Variants in ARHGEF10 observed in about 807,000 individuals in gnomAD.
ARHGEF10 encodes Rho guanine nucleotide exchange factor 10, also known as Rho guanine nucleotide exchange factor (GEF) 10.
A neutral mutation model predicts 147.4 loss-of-function variants in ARHGEF10; 140 were observed. The observed-to-expected ratio is 0.95, with a 90% confidence interval of 0.83 to 1.09. The LOEUF (loss-of-function observed/expected upper bound fraction) is 1.09. Among genes scored for constraint, ARHGEF10 ranks in the 50% least tolerant of loss-of-function variants. ARHGEF10 has a pLI of 0.00. For synonymous variants in ARHGEF10, 902 were observed against 695.8 expected, an observed-to-expected ratio of 1.30 and a Z score of -4.67; for missense variants, 2,222 against 1,752.7, an observed-to-expected ratio of 1.27 and a Z score of -4.78.
chr8:1,880,212 A>G (rs751228768), intron 9 of ARHGEF10, 48 bp downstream of exon 9: 1 of 1,376,416 alleles, frequency 7.3e-7, no homozygotes, highest in Admixed American at 1.7e-5. Context: ...GCCGGGCAGT[A>G]AAGAAAAACC....
At chr8:1,840,650 CT>C (rs764679635) in intron 1 of ARHGEF10, among the ~76,000 whole-genome samples, 70 of 151,134 alleles carry the variant, frequency 4.6e-4, no homozygotes, top group Non-Finnish European at 9.1e-4. Context: ...GACGTGGGGA[CT>C]GTCCGGTGTG....
At chr8:1,849,276 G>GCT (rs1804791162) in intron 2 of ARHGEF10, among the ~76,000 whole-genome samples, 3 of 151,516 alleles carry the variant, frequency 2.0e-5, no homozygotes, top group Admixed American at 6.6e-5. Context: ...GAAGGGCGTA[G>GCT]GGCGGCCGTG....
In ARHGEF10 at chr8:1,945,622, A is replaced by G. The variant is rs929127518; in HGVS notation, c.3364A>G (p.Asn1122Asp). The change falls in exon 27 of 29, where the codon AAC becomes GAC. Residue 1122 changes from asparagine (N) to aspartate (D), a missense_variant. Coordinates refer to ENST00000349830, the MANE Select transcript of ARHGEF10 (RefSeq NM_014629.4). The stretch of plus-strand genomic sequence containing the variant: ...AACTCTCAAGCACCTGCAGGACATC[A>G]ACATCGCCACCCCTGTTCACAACAT... ...TETLKHLQDI[N>D]IATPVHNMLP... The G allele has an allele frequency of 1.5e-5, 24 of 1,614,210 alleles. No homozygotes were observed. The highest frequency in any genetic ancestry group is 2.0e-5 in the Non-Finnish European group (24 of 1,180,024).
At chr8:1,908,640 A>T (rs1811106990) in intron 17 of ARHGEF10, among the ~76,000 whole-genome samples, 2 of 152,186 alleles carry the variant, frequency 1.3e-5, no homozygotes, top group African/African-American at 2.4e-5. Flanking sequence ...GGCTGCGGGG[A>T]TGCTGGCGAT....
chr8:1,926,302 A>G lies in ARHGEF10; in HGVS notation c.2611-75A>G, dbSNP rs975372767. 6.9e-5 allele frequency: 84 copies of G among 1,216,092 alleles called. 1 individual carries two copies. In the South Asian group the frequency reaches 8.1e-4, roughly 12 times the overall value. 75.3% of individuals were successfully genotyped at this position (1,216,092 alleles called of 1,614,324 possible). A position where few individuals can be genotyped will look rare whatever the true frequency, so the allele number is the denominator to read the frequency against. On this transcript the variant is annotated intron_variant, in intron 22 of 28. Coordinates refer to ENST00000349830, the MANE Select transcript of ARHGEF10 (RefSeq NM_014629.4). ...TTTATACATTGGAAGTAAGTCATCC[A>G]TTTAAGACGTTATGTAGTCTAGGAG...
At chr8:1,856,425 T>C (rs188898087) in intron 2 of ARHGEF10, among the ~76,000 whole-genome samples, 6 of 152,320 alleles carry the variant, frequency 3.9e-5, no homozygotes, top group Admixed American at 3.9e-4. Flanking sequence ...TCTGTGTATT[T>C]GTGGTGACCT....
At position 1,956,801 on chromosome 8, in the gene ARHGEF10, C is replaced by G; in HGVS notation, c.3573C>G (p.Val1191=). The G allele has an allele frequency of 6.2e-7, 1 of 1,614,078 alleles. No homozygotes were observed. The highest frequency in any genetic ancestry group is 8.5e-7 in the Non-Finnish European group (1 of 1,180,038). The change falls in exon 29 of 29, where the codon GTC becomes GTG. Residue 1191 remains valine, a synonymous_variant. Transcript: ENST00000349830. ...HAHNSPVKFI[V]LATALHEKDK... ...ACAACAGTCCTGTCAAATTCATCGT[C>G]CTGGCCACGGCTCTGCACGAGAAAG...
At chr8:1,912,229 G>A (rs6990129) in intron 18 of ARHGEF10, among the ~76,000 whole-genome samples, 38,279 of 151,620 alleles carry the variant, frequency 0.25, 4,958 homozygotes, top group East Asian at 0.38. Context: ...CGCTGTCCCC[G>A]CAGAAGCGCC....
In ARHGEF10 at chr8:1,898,428, C is replaced by A. The variant is rs764123838; in HGVS notation, c.1558-5C>A. On this transcript the variant is annotated splice_region_variant and splice_polypyrimidine_tract_variant and intron_variant, in intron 14 of 28. Coordinates refer to ENST00000349830, the MANE Select transcript of ARHGEF10 (RefSeq NM_014629.4). The stretch of plus-strand genomic sequence containing the variant: ...GGGAGGTGACCCCGGTGCCTTCCCC[C>A]ACAGCAGGAACAGGAGGCCAGCCCC... 3 of 1,614,010 alleles carry A rather than the reference C, an allele frequency of 1.9e-6. No individual in the cohort carries two copies. Among genetic ancestry groups the A allele is most frequent in the African/African-American group, 1.3e-5 (1 of 75,042 alleles).
Position 1,857,409 on chromosome 8 carries a change from CTT to C in ARHGEF10, c.38-550_38-549del, listed in dbSNP as rs71718648. Among the ~76,000 whole-genome samples, 1,115 of 150,460 alleles carry C rather than the reference CTT, an allele frequency of 7.4e-3. 12 individuals are homozygous for C. The highest frequency in any genetic ancestry group is 0.026 in the African/African-American group (1,049 of 40,858). ...AAGCTCTTTTTTCCCCTTACTTTCT[CTT>C]GTTTTCTTTTCTTTTTTTTTTTTTT... is the stretch of plus-strand genomic sequence containing the variant. On this transcript the variant is annotated intron_variant, in intron 2 of 28. Coordinates refer to ENST00000349830, the MANE Select transcript of ARHGEF10 (RefSeq NM_014629.4).
chr8:1,892,986 G>T (rs1023527306), intron 11 of ARHGEF10, among the ~76,000 whole-genome samples: 3 of 149,598 alleles, frequency 2.0e-5, no homozygotes, highest in African/African-American at 7.4e-5. Flanking sequence ...TTGCAAACAT[G>T]TCAGATTGTA....
rs916700669 is a variant in ARHGEF10, at chr8:1,957,530, A to G, written c.*267A>G. On this transcript the variant is annotated 3_prime_UTR_variant, in exon 29 of 29. Transcript: ENST00000349830. The stretch of plus-strand genomic sequence containing the variant: ...TAATTGAGTGCAGTTCTGGGAAAAT[A>G]CCACATTCTTTTTGACTGCTGTAGT... The G allele has an allele frequency of 1.7e-6, 1 of 571,510 alleles. No individual in the cohort carries two copies. Among genetic ancestry groups the G allele is most frequent in the Non-Finnish European group, 3.1e-6 (1 of 322,414 alleles). 35.4% of individuals were successfully genotyped at this position (571,510 alleles called of 1,614,324 possible). A position where few individuals can be genotyped will look rare whatever the true frequency, so the allele number is the denominator to read the frequency against.
At chr8:1,839,032 C>T (rs552815678) in intron 1 of ARHGEF10, among the ~76,000 whole-genome samples, 4 of 150,182 alleles carry the variant, frequency 2.7e-5, no homozygotes, top group East Asian at 2.0e-4. Context: ...GACTGTCCAG[C>T]GTGGAAGCTG....
intron 25 of ARHGEF10, 90 bp from the exon 26 acceptor site, chr8:1,933,710 G>A (rs1243185770): frequency 1.3e-6 from 2 of 1,482,400 alleles, no homozygotes; most frequent in East Asian, 2.3e-5. Flanking sequence ...TCCTTCGGGT[G>A]TCAGTTACTT....
Position 1,955,312 on chromosome 8 carries a change from T to C in ARHGEF10, c.3521-1437T>C, listed in dbSNP as rs12115020. On this transcript the variant is annotated intron_variant, in intron 28 of 28. Transcript: ENST00000349830. ...CTCACAGTTTCTCTGGATGGGTAGC[T>C]AGGTGCTCCCTAAAAGGAGGTGCAC... is the stretch of plus-strand genomic sequence containing the variant. Among the ~76,000 whole-genome samples, 359 of 66,436 alleles carry C rather than the reference T, an allele frequency of 5.4e-3. 2 individuals are homozygous for C. The highest frequency in any genetic ancestry group is 0.013 in the Middle Eastern group (1 of 78). The allele number at this position is 66,436 out of a possible 152,430, so 43.6% of individuals were successfully genotyped here.
intron 11 of ARHGEF10, among the ~76,000 whole-genome samples, chr8:1,888,150 GGGGCGA>G (rs879281974): frequency 0.18 from 19,233 of 107,480 alleles, 4,352 homozygotes; most frequent in Non-Finnish European, 0.26. Context: ...GACACTTAGT[GGGGCGA>G]GGGTTGCGAG....
chr8:1,865,128 T>C (rs1382643993), intron 5 of ARHGEF10, among the ~76,000 whole-genome samples: 1 of 152,268 alleles, frequency 6.6e-6, no homozygotes, highest in Non-Finnish European at 1.5e-5. Context: ...TTCTTTTACC[T>C]TTTTAGGTAA....
upstream of ARHGEF10, among the ~76,000 whole-genome samples, chr8:1,823,701 G>A (rs921333018): frequency 5.3e-5 from 8 of 151,904 alleles, no homozygotes; most frequent in African/African-American, 1.9e-4. Context: ...GAGATGATCC[G>A]GGGGCGGGAG....
Position 1,894,489 on chromosome 8 carries a change from C to T in ARHGEF10, c.1357C>T (p.His453Tyr). 1 of 1,614,214 alleles carries T rather than the reference C, an allele frequency of 6.2e-7. No individual in the cohort carries two copies. The highest frequency in any genetic ancestry group is 8.5e-7 in the Non-Finnish European group (1 of 1,180,038). ...FYRVKEILQC[H>Y]SLFQIALASR... ...CCGAGTCAAAGAGATCCTGCAGTGC[C>T]ACTCGCTATTTCAGATCGCGCTGGC... Residue 453 changes from histidine (H) to tyrosine (Y), a missense_variant, in exon 13 of 29, where the codon CAC becomes TAC. Coordinates refer to ENST00000349830, the MANE Select transcript of ARHGEF10 (RefSeq NM_014629.4).
Sources: gnomAD v4.1 joint callset for allele counts (sites outside exome capture counted in the v4.1 genomes callset) on GRCh38, gnomAD v4.1.1 for gene constraint, MANE v1.5 for transcripts, NCBI Gene and HGNC (gene_info 2026-07-23, HGNC 2026-07-21) for gene names.